ARCN1: variants seen among roughly 807,000 people sequenced by gnomAD.
ARCN1 encodes archain 1 coat protein complex I subunit delta, also known as coatomer subunit delta.
ARCN1 carries 5 observed loss-of-function variants against 60.4 expected under a neutral mutation model. That is an observed-to-expected ratio of 0.08 (90% CI 0.04 to 0.17). The LOEUF (loss-of-function observed/expected upper bound fraction) is 0.17. Among genes scored for constraint, ARCN1 ranks in the 10% least tolerant of loss-of-function variants. The pLI is 1.00. For missense variants in ARCN1, 464 were observed against 626.5 expected (o/e 0.74, Z 2.77); for synonymous variants, 224 against 220.0 (o/e 1.02, Z -0.16).
rs782702821 is a variant in ARCN1, at chr11:118,597,872, A to G, written c.1407A>G (p.Gln469=). 1.9e-6 allele frequency: 3 copies of G among 1,614,174 alleles called. No homozygotes were observed. Among genetic ancestry groups the G allele is most frequent in the Non-Finnish European group, 2.5e-6 (3 of 1,180,036 alleles). Residue 469 remains glutamine (Q), a synonymous_variant, in exon 9 of 10, where the codon CAA becomes CAG. Coordinates refer to ENST00000264028, the MANE Select transcript of ARCN1 (RefSeq NM_001655.5). ...AGCCCAATGACTTCTTCCCTGTTCA[A>G]GTTTCCTTTGTCTCCAAGAAAAATT... ...AGQPNDFFPV[Q]VSFVSKKNYC...
intron 7 of ARCN1, 120 bp downstream of exon 7, chr11:118,592,976 T>A: frequency 1.7e-5 from 18 of 1,036,528 alleles, no homozygotes; most frequent in Non-Finnish European, 2.5e-5. Context: ...ATGACTTTCT[T>A]TTGAAATGGA....
intron 5 of ARCN1, 106 bp downstream of exon 5, chr11:118,584,750 G>A (rs45460493): frequency 0.019 from 19,673 of 1,043,792 alleles, 241 homozygotes; most frequent in South Asian, 0.044. Flanking sequence ...TCTTTTAATC[G>A]TTCCTGATTT....
intron 1 of ARCN1, 110 bp from the exon 2 acceptor site, chr11:118,581,136 C>T (rs573257471): frequency 4.4e-6 from 6 of 1,372,796 alleles, no homozygotes; most frequent in Non-Finnish European, 6.1e-6. Flanking sequence ...AATACTACTA[C>T]TAGTCATGTC....
intron 9 of ARCN1, 25 bp from the exon 10 acceptor site, chr11:118,600,600 C>A: frequency 6.4e-7 from 1 of 1,557,004 alleles, no homozygotes; most frequent in Non-Finnish European, 8.8e-7. Context: ...TCCTGCTTTA[C>A]CTTACTCTTT....
intron 5 of ARCN1, 21 bp from the exon 6 acceptor site, chr11:118,590,320 T>TATGAA (rs1938873276): frequency 6.2e-7 from 1 of 1,602,652 alleles, no homozygotes; most frequent in Non-Finnish European, 8.5e-7. Flanking sequence ...TCTGAACAAA[T>TATGAA]GTATTACTTT....
chr11:118,592,744 A>G lies in ARCN1; in HGVS notation c.1020A>G (p.Ala340=), dbSNP rs782319185. Residue 340 remains alanine (A), a synonymous_variant, in exon 7 of 10, where the codon GCA becomes GCG. Coordinates refer to ENST00000264028, the MANE Select transcript of ARCN1 (RefSeq NM_001655.5). The part of the protein sequence containing the change: ...HPNVDKKLFT[A]ESLIGLKNPE... ...ATGTGGATAAAAAACTTTTCACTGC[A>G]GAGTCTCTAATTGGCCTGAAGAATC... The G allele has an allele frequency of 2.0e-5, 33 of 1,613,944 alleles. No individual in the cohort carries two copies. Among genetic ancestry groups the G allele is most frequent in the Non-Finnish European group, 2.8e-5 (33 of 1,179,954 alleles).
chr11:118,591,095 G>A (rs192996096), intron 6 of ARCN1, among the ~76,000 whole-genome samples: 4 of 152,308 alleles, frequency 2.6e-5, no homozygotes, highest in Non-Finnish European at 5.9e-5. Context: ...TTAACTGAAG[G>A]GCAGTATCTA....
Position 118,581,496 on chromosome 11 carries a change from T to C in ARCN1, c.254T>C (p.Leu85Pro). The C allele has an allele frequency of 6.2e-7, 1 of 1,612,454 alleles. No homozygotes were observed. The highest frequency in any genetic ancestry group is 8.5e-7 in the Non-Finnish European group (1 of 1,179,096). ...NILEDLETLR[L>P]FSRVIPEYCR... ...TTAGAAGATTTGGAGACCCTAAGGC[T>C]CTTCTCAAGAGTGGTAAGAGTACTG... The change falls in exon 2 of 10, where the codon CTC becomes CCC. Residue 85 changes from leucine to proline, a missense_variant. Leu to Pro is a moderately conservative substitution (Grantham distance 98, BLOSUM62 -3). This residue lies in a region of ARCN1 where 105 missense variants were observed against 186.3 expected (regional missense o/e 0.56). Transcript: ENST00000264028.
intron 8 of ARCN1, among the ~76,000 whole-genome samples, chr11:118,595,996 GGC>G (rs1481078591): frequency 2.0e-5 from 3 of 152,220 alleles, no homozygotes; most frequent in African/African-American, 7.2e-5. Context: ...GAAGCCGGGA[GGC>G]GGAGCTTGCA....
rs371768462 is a variant in ARCN1, at chr11:118,581,339, T to G, written c.97T>G (p.Leu33Val). The G allele has an allele frequency of 1.1e-5, 18 of 1,614,106 alleles. No homozygotes were observed. The highest frequency in any genetic ancestry group is 2.7e-5 in the African/African-American group (2 of 74,944). ...EMTRTRIEGL[L>V]AAFPKLMNTG... ...GACCCGAACTCGGATTGAGGGCTTATTAGCAGCTTTTCCAAAGCTCATGAA... is the reference window on the plus strand; with the variant it reads ...GACCCGAACTCGGATTGAGGGCTTAGTAGCAGCTTTTCCAAAGCTCATGAA... The change falls in exon 2 of 10, where the codon TTA becomes GTA. Residue 33 changes from leucine (L) to valine (V), a missense_variant. Physicochemically the swap from Leu to Val is conservative, Grantham distance 32. Around this residue, in one of 2 missense-constraint regions of ARCN1, gnomAD observed 105 missense variants for 186.3 expected, o/e 0.56. Transcript: ENST00000264028.
chr11:118,590,142 T>G, intron 5 of ARCN1, among the ~76,000 whole-genome samples, 199 bp from the exon 6 acceptor site: 1 of 152,156 alleles, frequency 6.6e-6, no homozygotes, highest in East Asian at 1.9e-4. Context: ...ACTACAGGCA[T>G]GCACCACCAC....
intron 6 of ARCN1, among the ~76,000 whole-genome samples, chr11:118,591,168 A>G (rs1481144976): frequency 6.6e-6 from 1 of 152,248 alleles, no homozygotes; most frequent in Admixed American, 6.5e-5. Context: ...CAACTATTGG[A>G]TAGATATATA....
At chr11:118,590,791 T>C (rs1468472480) in intron 6 of ARCN1, among the ~76,000 whole-genome samples, 1 of 152,240 alleles carries the variant, frequency 6.6e-6, no homozygotes, top group African/African-American at 2.4e-5. Context: ...AGGAGGTGTT[T>C]GTCTTTTGCT....
At chr11:118,573,621 T>C (rs2135526679) in intron 1 of ARCN1, 1 of 698,980 alleles carries the variant, frequency 1.4e-6, no homozygotes, top group African/African-American at 1.7e-5. Context: ...TGTCAATAGA[T>C]AACTTGATTT....
At chr11:118,588,414 G>A (rs1555075784) in intron 5 of ARCN1, among the ~76,000 whole-genome samples, 4 of 152,152 alleles carry the variant, frequency 2.6e-5, no homozygotes. Flanking sequence ...GTATAATAAG[G>A]GATATGGGAG....
At chr11:118,581,004 C>T (rs1156944151) in intron 1 of ARCN1, among the ~76,000 whole-genome samples, 1 of 152,136 alleles carries the variant, frequency 6.6e-6, no homozygotes, top group East Asian at 1.9e-4. Flanking sequence ...GGCTTGGTGG[C>T]ACACACTTGT....
At chr11:118,578,432 G>A (rs1555074065) in intron 1 of ARCN1, among the ~76,000 whole-genome samples, 2 of 151,992 alleles carry the variant, frequency 1.3e-5, no homozygotes, top group Admixed American at 1.3e-4. Context: ...TGAAGTTTTG[G>A]TCTGAGCTGT....
intron 9 of ARCN1, among the ~76,000 whole-genome samples, chr11:118,599,355 T>G (rs1555077742): frequency 1.3e-5 from 2 of 151,670 alleles, no homozygotes; most frequent in East Asian, 3.9e-4. Flanking sequence ...CCTCCCAAAG[T>G]GCTAGGATTA....
chr11:118,601,849 C>A lies in ARCN1; in HGVS notation c.*1135C>A. 4 of 623,094 alleles carry A rather than the reference C, an allele frequency of 6.4e-6. No individual in the cohort carries two copies. The highest frequency in any genetic ancestry group is 1.2e-5 in the Non-Finnish European group (4 of 345,544). 38.6% of individuals were successfully genotyped at this position (623,094 alleles called of 1,614,324 possible). On this transcript the variant is annotated 3_prime_UTR_variant, in exon 10 of 10. Transcript: ENST00000264028. ...GTTATGTCTGTCCAGTTAGGGATTT[C>A]ACATCCACATGTAATCATGTCTGCT... is the stretch of plus-strand genomic sequence containing the variant.
Sources: gnomAD v4.1 joint callset for allele counts (sites outside exome capture counted in the v4.1 genomes callset) on GRCh38, gnomAD v4.1.1 for gene constraint, gnomAD v4.1.1 regional missense constraint, MANE v1.5 for transcripts, NCBI Gene and HGNC (gene_info 2026-07-23, HGNC 2026-07-21) for gene names.